The following KCNQ5 variants were observed in gnomAD, a reference collection of about 807,000 sequenced individuals.
The protein encoded by KCNQ5 is potassium voltage-gated channel subfamily KQT member 5.
In KCNQ5, 30 loss-of-function variants were observed where a neutral mutation model predicts 98.2. The observed-to-expected ratio is 0.31, with a 90% confidence interval of 0.23 to 0.41. The LOEUF is 0.41. Among genes scored for constraint, KCNQ5 ranks in the 10% least tolerant of loss-of-function variants. The pLI is 1.00. For synonymous variants in KCNQ5, 458 were observed against 449.4 expected, an observed-to-expected ratio of 1.02 and a Z score of -0.24; for missense variants, 835 against 1,182.5, an observed-to-expected ratio of 0.71 and a Z score of 4.31.
At chr6:73,028,786 G>C (rs983996252) in intron 2 of KCNQ5, among the ~76,000 whole-genome samples, 1 of 152,124 alleles carries the variant, frequency 6.6e-6, no homozygotes, top group African/African-American at 2.4e-5. Flanking sequence ...TTGTGTACAG[G>C]ATGCTTTATT....
chr6:72,791,563 T>C (rs565424007), intron 1 of KCNQ5, among the ~76,000 whole-genome samples: 1 of 152,324 alleles, frequency 6.6e-6, no homozygotes, highest in South Asian at 2.1e-4. Flanking sequence ...GGTGGATTAC[T>C]TTTGTAAATT....
At chr6:72,632,442 GT>G (rs962857983) in intron 1 of KCNQ5, among the ~76,000 whole-genome samples, 37 of 151,088 alleles carry the variant, frequency 2.4e-4, no homozygotes, top group African/African-American at 8.7e-4. Context: ...CGCCTGGCCA[GT>G]TTTTTTTTCT....
chr6:72,994,948 CAG>C (rs779733705), intron 1 of KCNQ5, among the ~76,000 whole-genome samples: 55 of 151,540 alleles, frequency 3.6e-4, no homozygotes, highest in Non-Finnish European at 6.5e-4. Flanking sequence ...GCCAAATGAC[CAG>C]AGAGAGAAAA....
intron 1 of KCNQ5, among the ~76,000 whole-genome samples, chr6:72,858,561 A>T (rs1253955385): frequency 1.3e-5 from 2 of 151,680 alleles, no homozygotes; most frequent in Non-Finnish European, 2.9e-5. Context: ...TTTTTTTAAC[A>T]TTGTTGCTCT....
chr6:72,872,929 T>C (rs1177920680), intron 1 of KCNQ5, among the ~76,000 whole-genome samples: 8 of 152,144 alleles, frequency 5.3e-5, no homozygotes, highest in Admixed American at 5.2e-4. Context: ...AAACAATCCC[T>C]GTGAACTTTC....
intron 1 of KCNQ5, among the ~76,000 whole-genome samples, chr6:72,792,066 A>G (rs1198059738): frequency 6.6e-6 from 1 of 152,254 alleles, no homozygotes; most frequent in African/African-American, 2.4e-5. Flanking sequence ...TTTGGATGCC[A>G]TGAGTGTAAA....
intron 10 of KCNQ5, chr6:73,134,996 A>C (rs867366828): frequency 3.3e-4 from 50 of 152,260 alleles, no homozygotes; most frequent in African/African-American, 1.1e-3. Flanking sequence ...CACTCAAAAT[A>C]GGCTTGCTGA....
intron 1 of KCNQ5, among the ~76,000 whole-genome samples, chr6:72,658,767 A>T (rs1293943861): frequency 6.6e-6 from 1 of 151,348 alleles, no homozygotes; most frequent in Non-Finnish European, 1.5e-5. Flanking sequence ...TTTCGTAGAG[A>T]CGGGGTTTCA....
chr6:73,171,870 G>C (rs1033006167), intron 11 of KCNQ5, among the ~76,000 whole-genome samples: 2 of 152,168 alleles, frequency 1.3e-5, no homozygotes, highest in South Asian at 2.1e-4. Flanking sequence ...CTTCCTAAAA[G>C]TCATACTTAA....
intron 3 of KCNQ5, chr6:73,043,020 GT>G (rs1016982365): frequency 1.0e-5 from 2 of 193,612 alleles, no homozygotes; most frequent in African/African-American, 4.7e-5. Context: ...TTACAAAATA[GT>G]TTAGGCTATC....
In KCNQ5 at chr6:72,759,205, T is replaced by C. The variant is rs917477116; in HGVS notation, c.398+136618T>C. The stretch of plus-strand genomic sequence containing the variant: ...TTGGAGATGAATGACTTCGTTAAGA[T>C]TCCTCTCTGGGAATGTGAAGAGATG... On this transcript the variant is annotated intron_variant, in intron 1 of 13. Transcript: ENST00000370398. Among the ~76,000 whole-genome samples the C allele has an allele frequency of 1.3e-5, 2 of 152,160 alleles. 1 individual carries two copies. The highest frequency in any genetic ancestry group is 4.8e-5 in the African/African-American group (2 of 41,452).
chr6:72,947,222 T>C (rs1766589720), intron 1 of KCNQ5, among the ~76,000 whole-genome samples: 1 of 152,216 alleles, frequency 6.6e-6, no homozygotes, highest in Non-Finnish European at 1.5e-5. Flanking sequence ...TCACTTAACA[T>C]GCTATTTCTC....
intron 1 of KCNQ5, among the ~76,000 whole-genome samples, chr6:72,974,484 C>T (rs1255113004): frequency 6.6e-6 from 1 of 152,034 alleles, no homozygotes; most frequent in Non-Finnish European, 1.5e-5. Flanking sequence ...CCCTGCCAGC[C>T]TCGTGCATTT....
At chr6:72,808,283 A>T (rs562132077) in intron 1 of KCNQ5, among the ~76,000 whole-genome samples, 1 of 152,338 alleles carries the variant, frequency 6.6e-6, no homozygotes, top group East Asian at 1.9e-4. Flanking sequence ...GATACATAAA[A>T]GGAGTATTCA....
At chr6:72,757,008 C>A (rs1047066997) in intron 1 of KCNQ5, among the ~76,000 whole-genome samples, 3 of 151,798 alleles carry the variant, frequency 2.0e-5, no homozygotes, top group African/African-American at 7.3e-5. Flanking sequence ...AAGCTGCCTT[C>A]CAAATGAATG....
In KCNQ5 at chr6:73,175,399, C is replaced by CT. The variant is rs1415696691; in HGVS notation, c.1577+5545_1577+5546insT. ...TCTCGACCTCAGGTGATCTGCCCCC[C>CT]CCTTGGCTTCCCTAAGTGCTGGGAT... On this transcript the variant is annotated intron_variant, in intron 11 of 13. Coordinates refer to ENST00000370398, the MANE Select transcript of KCNQ5 (RefSeq NM_019842.4). Among the ~76,000 whole-genome samples, 4 of 152,208 alleles carry CT rather than the reference C, an allele frequency of 2.6e-5. No individual in the cohort carries two copies. The East Asian group carries it at 5.8e-4, about 22-fold the overall frequency.
chr6:72,645,772 G>A (rs896286376), intron 1 of KCNQ5, among the ~76,000 whole-genome samples: 5 of 152,102 alleles, frequency 3.3e-5, no homozygotes, highest in Non-Finnish European at 7.4e-5. Context: ...CTTCTTGAAT[G>A]AGTTTGAAAT....
At chr6:73,145,571 C>T (rs1776887852) in intron 10 of KCNQ5, among the ~76,000 whole-genome samples, 1 of 152,144 alleles carries the variant, frequency 6.6e-6, no homozygotes, top group South Asian at 2.1e-4. Context: ...CTTCACATGT[C>T]AATTAAGGTA....
intron 1 of KCNQ5, among the ~76,000 whole-genome samples, chr6:72,770,445 CAA>C (rs1399560459): frequency 6.6e-6 from 1 of 151,864 alleles, no homozygotes; most frequent in African/African-American, 2.4e-5. Context: ...TATAATGAAA[CAA>C]AATATTATAA....
Sources: gnomAD v4.1 joint callset for allele counts (sites outside exome capture counted in the v4.1 genomes callset) on GRCh38, gnomAD v4.1.1 for gene constraint, MANE v1.5 for transcripts, NCBI Gene and HGNC (gene_info 2026-07-23, HGNC 2026-07-21) for gene names.